TSNARE1: variants seen among roughly 807,000 people sequenced by gnomAD.
TSNARE1 encodes t-SNARE domain containing 1.
TSNARE1 carries 49 observed loss-of-function variants against 62.0 expected under a neutral mutation model. The ratio of observed to expected loss-of-function variants is 0.79; its 90% confidence interval spans 0.63 to 1.00. TSNARE1 has a LOEUF of 1.00. TSNARE1 is among the 50% of genes least tolerant of loss of function. TSNARE1 has a pLI of 0.00. For missense variants in TSNARE1, 755 were observed against 700.1 expected, an observed-to-expected ratio of 1.08 and a Z score of -0.88; for synonymous variants, 328 against 294.4, an observed-to-expected ratio of 1.11 and a Z score of -1.17.
intron 7 of TSNARE1, among the ~76,000 whole-genome samples, chr8:142,318,077 T>C (rs1046727049): frequency 6.6e-6 from 1 of 152,178 alleles, no homozygotes; most frequent in Non-Finnish European, 1.5e-5. Flanking sequence ...GCCACGGCCA[T>C]ATGTCTGGCT....
rs942148275 is a variant in TSNARE1, at chr8:142,240,683, TA to T, written c.1447-11105del. 3.9e-5 allele frequency among the ~76,000 whole-genome samples: 6 copies of T among 152,264 alleles called. No individual in the cohort carries two copies. In the South Asian group the frequency reaches 1.0e-3, roughly 26 times the overall value. Reference sequence around the variant, plus strand: ...CAAAATGCAATTGTTAGAAGGTAATTAAAAAAACAGTAAATTAAAAATCCCC... The same window carrying T: ...CAAAATGCAATTGTTAGAAGGTAATTAAAAAACAGTAAATTAAAAATCCCC... On this transcript the variant is annotated intron_variant, in intron 12 of 13. Transcript: ENST00000524325.
At chr8:142,354,901 C>G in intron 1 of TSNARE1, 138 bp from the exon 2 acceptor site, 1 of 583,906 alleles carries the variant, frequency 1.7e-6, no homozygotes, top group Non-Finnish European at 3.0e-6. Context: ...TAGGCTACTC[C>G]AGGCTTCTCA....
intron 12 of TSNARE1, among the ~76,000 whole-genome samples, chr8:142,237,486 G>A (rs1419210807): frequency 6.6e-6 from 1 of 152,234 alleles, no homozygotes; most frequent in Non-Finnish European, 1.5e-5. Context: ...CCCCGTGAGT[G>A]CACAGGCCCT....
rs1006246215 is a variant in TSNARE1, at chr8:142,338,123, T to C, written c.745+5843A>G. On this transcript the variant is annotated intron_variant, in intron 4 of 13. Transcript: ENST00000524325. ...AGCAGCGCTTATCAGGACTTCTCTC[T>C]GCCGTCCCCATCCCCACCCTCCAGT... Among the ~76,000 whole-genome samples the C allele has an allele frequency of 3.1e-4, 47 of 152,228 alleles. 1 individual carries two copies. Among genetic ancestry groups the C allele is most frequent in the Non-Finnish European group, 1.0e-4 (7 of 68,042 alleles).
intron 12 of TSNARE1, among the ~76,000 whole-genome samples, chr8:142,257,688 C>T (rs533297801): frequency 3.7e-4 from 57 of 152,202 alleles, no homozygotes; most frequent in African/African-American, 1.3e-3. Flanking sequence ...GTCTCAGGTC[C>T]CTCTAAAGAT....
intron 12 of TSNARE1, chr8:142,272,703 C>T (rs554675935): frequency 1.0e-6 from 1 of 956,356 alleles, no homozygotes; most frequent in South Asian, 4.9e-5. Context: ...TCACAGAGGC[C>T]TCATCCCTCC....
intron 6 of TSNARE1, among the ~76,000 whole-genome samples, chr8:142,322,124 C>A (rs1299974008): frequency 6.6e-6 from 1 of 152,184 alleles, no homozygotes; most frequent in Non-Finnish European, 1.5e-5. Context: ...ATTCTCATAT[C>A]AACAGAGCAA....
intron 1 of TSNARE1, among the ~76,000 whole-genome samples, chr8:142,375,015 A>G (rs1161949845): frequency 3.3e-5 from 5 of 152,210 alleles, no homozygotes; most frequent in African/African-American, 1.2e-4. Context: ...GGCTTGCTGG[A>G]AAGACCCAAA....
chr8:142,277,601 G>A (rs1037598978), intron 11 of TSNARE1: 22 of 985,286 alleles, frequency 2.2e-5, no homozygotes, highest in Non-Finnish European at 2.7e-5. Flanking sequence ...CCCACAAGAG[G>A]AAGTCTGGCC....
chr8:142,299,277 G>A (rs772512386), intron 10 of TSNARE1, among the ~76,000 whole-genome samples: 19 of 152,222 alleles, frequency 1.2e-4, no homozygotes, highest in Admixed American at 3.3e-4. Context: ...CCCTTCCTTC[G>A]AGAGTGGAAG....
intron 12 of TSNARE1, chr8:142,273,659 C>G (rs1317757228): frequency 1.0e-6 from 1 of 985,256 alleles, no homozygotes; most frequent in East Asian, 1.1e-4. Context: ...AATGGGGAGG[C>G]CCAAACTGGG....
chr8:142,291,449 G>C lies in TSNARE1; in HGVS notation c.1291-6964C>G, dbSNP rs1387384466. On this transcript the variant is annotated intron_variant, in intron 10 of 13. Coordinates refer to ENST00000524325, the MANE Select transcript of TSNARE1 (RefSeq NM_145003.5). This position sits in a 1 kb window ranked among gnomAD's most constrained non-coding sequence, Gnocchi z 4.8. ...AGACACATATAAATAATGTCAGCAGGGCCTTGTCGTTAAACACAGAGCCTC... is the reference window on the plus strand; with the variant it reads ...AGACACATATAAATAATGTCAGCAGCGCCTTGTCGTTAAACACAGAGCCTC... Among the ~76,000 whole-genome samples the C allele has an allele frequency of 6.6e-6, 1 of 152,070 alleles. No individual in the cohort carries two copies. The highest frequency in any genetic ancestry group is 1.5e-5 in the Non-Finnish European group (1 of 68,034).
intron 10 of TSNARE1, among the ~76,000 whole-genome samples, chr8:142,296,343 A>G (rs1045949083): frequency 3.1e-4 from 7 of 22,488 alleles, no homozygotes; most frequent in Non-Finnish European, 4.6e-4. Flanking sequence ...GTCATGGGGG[A>G]GGCGGTGGTC....
intron 9 of TSNARE1, 80 bp from the exon 10 acceptor site, chr8:142,300,724 G>A: frequency 6.8e-7 from 1 of 1,481,214 alleles, no homozygotes; most frequent in Non-Finnish European, 9.2e-7. Flanking sequence ...TCAACAAAAT[G>A]GTGCTTTTCC....
At chr8:142,303,512 C>T (rs1379290489) in intron 9 of TSNARE1, among the ~76,000 whole-genome samples, 1 of 152,242 alleles carries the variant, frequency 6.6e-6, no homozygotes, top group Non-Finnish European at 1.5e-5. Context: ...GAGGGCTCCG[C>T]CCCGTCTCAC....
intron 10 of TSNARE1, among the ~76,000 whole-genome samples, chr8:142,295,328 G>T (rs1358373670): frequency 6.6e-6 from 1 of 152,250 alleles, no homozygotes; most frequent in East Asian, 1.9e-4. Flanking sequence ...AGACTGCCTG[G>T]GTTCCAGCCC....
chr8:142,274,183 G>C (rs1413819509), intron 12 of TSNARE1: 2 of 985,346 alleles, frequency 2.0e-6, no homozygotes, highest in Middle Eastern at 5.2e-4. Context: ...GGCCACAATG[G>C]GGACAGAGCC....
intron 4 of TSNARE1, among the ~76,000 whole-genome samples, chr8:142,340,075 G>C (rs183567933): frequency 2.2e-3 from 331 of 152,332 alleles, no homozygotes; most frequent in Admixed American, 7.4e-3. Flanking sequence ...TTGTGGCCAG[G>C]GTCGGGGCCT....
chr8:142,282,169 A>G (rs915537942), intron 11 of TSNARE1, among the ~76,000 whole-genome samples: 1 of 152,148 alleles, frequency 6.6e-6, no homozygotes, highest in Non-Finnish European at 1.5e-5. Context: ...ACTTCAGGAC[A>G]CCATGCCCTG....
Sources: gnomAD v4.1 joint callset for allele counts (sites outside exome capture counted in the v4.1 genomes callset) on GRCh38, gnomAD v4.1.1 for gene constraint, Gnocchi (gnomAD v3.1) non-coding constraint, MANE v1.5 for transcripts, NCBI Gene and HGNC (gene_info 2026-07-23, HGNC 2026-07-21) for gene names.